Variants in LPP observed in about 807,000 individuals in gnomAD.
LPP encodes the protein lipoma-preferred partner.
Under a neutral mutation model 60.4 loss-of-function variants are expected in LPP, and 38 were observed. That is an observed-to-expected ratio of 0.63 (90% CI 0.49 to 0.83). The LOEUF (loss-of-function observed/expected upper bound fraction) is 0.83, where lower values mean the gene tolerates loss of function less well. Ranked by LOEUF, LPP falls within the 40% of genes least tolerant of loss-of-function variation. The pLI, the probability that LPP is intolerant of heterozygous loss-of-function variation, is 0.00. For synonymous variants in LPP, 328 were observed against 290.8 expected, an observed-to-expected ratio of 1.13 and a Z score of -1.30; for missense variants, 902 against 783.6, an observed-to-expected ratio of 1.15 and a Z score of -1.80.
intron 1 of LPP, among the ~76,000 whole-genome samples, chr3:188,199,878 CTAACTTT>C (rs1560104109): frequency 6.6e-6 from 1 of 151,974 alleles, no homozygotes; most frequent in Non-Finnish European, 1.5e-5. Context: ...CCATGCCCAG[CTAACTTT>C]TGTATTTTTA....
chr3:188,547,819 A>T (rs1179628164), intron 6 of LPP, among the ~76,000 whole-genome samples: 2 of 152,116 alleles, frequency 1.3e-5, no homozygotes, highest in South Asian at 2.1e-4. Flanking sequence ...AAGAAGTGTG[A>T]TGTATAAAAT....
intron 8 of LPP, chr3:188,725,394 G>A (rs564808924): frequency 6.6e-6 from 1 of 152,220 alleles, no homozygotes; most frequent in Non-Finnish European, 1.5e-5. Flanking sequence ...GACTCAAGGT[G>A]GACTTAATTT....
intron 9 of LPP, among the ~76,000 whole-genome samples, chr3:188,804,243 T>TTTTATA (rs1322626096): frequency 1.9e-4 from 7 of 37,712 alleles, no homozygotes; most frequent in African/African-American, 7.9e-4. Flanking sequence ...TAGTGCATCT[T>TTTTATA]TATATATATA....
chr3:188,531,484 G>T (rs1283376104), intron 6 of LPP, among the ~76,000 whole-genome samples: 1 of 152,152 alleles, frequency 6.6e-6, no homozygotes, highest in Admixed American at 6.5e-5. Context: ...ACCAAGCAAT[G>T]ATTTGAAGCT....
intron 5 of LPP, among the ~76,000 whole-genome samples, chr3:188,520,740 T>C (rs1818648427): frequency 6.6e-6 from 1 of 152,164 alleles, no homozygotes; most frequent in Non-Finnish European, 1.5e-5. Flanking sequence ...ATCTCTCTAG[T>C]GATGGTTAAA....
intron 4 of LPP, among the ~76,000 whole-genome samples, chr3:188,428,002 G>A (rs998824719): frequency 5.9e-5 from 9 of 152,068 alleles, no homozygotes; most frequent in Admixed American, 4.6e-4. Context: ...CTGCCCAAAC[G>A]GTCACCCGGT....
intron 1 of LPP, among the ~76,000 whole-genome samples, chr3:188,185,971 G>A (rs911971619): frequency 2.6e-5 from 4 of 152,168 alleles, no homozygotes; most frequent in Non-Finnish European, 5.9e-5. Context: ...CATTTCCCTG[G>A]CTTTAGAAAC....
intron 9 of LPP, among the ~76,000 whole-genome samples, chr3:188,821,758 C>T (rs915073540): frequency 6.6e-6 from 1 of 151,830 alleles, no homozygotes; most frequent in African/African-American, 2.4e-5. Flanking sequence ...CCATATCTTC[C>T]CAGATATATT....
chr3:188,284,291 G>C (rs775244369), intron 2 of LPP, among the ~76,000 whole-genome samples: 18 of 152,070 alleles, frequency 1.2e-4, no homozygotes, highest in Non-Finnish European at 2.1e-4. Context: ...CTCAGAGAAA[G>C]ATGGAGTTAG....
At chr3:188,694,180 A>C (rs1862709793) in intron 7 of LPP, among the ~76,000 whole-genome samples, 1 of 152,170 alleles carries the variant, frequency 6.6e-6, no homozygotes, top group Admixed American at 6.5e-5. Context: ...CCCGGCAGAA[A>C]ATTTTTCAGT....
intron 8 of LPP, chr3:188,743,532 A>T (rs958283333): frequency 6.6e-6 from 1 of 152,166 alleles, no homozygotes; most frequent in African/African-American, 2.4e-5. Flanking sequence ...AGATAAAATT[A>T]AGAGGGTAAT....
intron 6 of LPP, among the ~76,000 whole-genome samples, chr3:188,531,597 A>T (rs571745297): frequency 3.3e-5 from 5 of 152,286 alleles, no homozygotes; most frequent in African/African-American, 7.2e-5. Flanking sequence ...TGAAGTCTGT[A>T]TAAAAATCCC....
chr3:188,209,759 C>T (rs1734214942), intron 1 of LPP, among the ~76,000 whole-genome samples: 1 of 152,172 alleles, frequency 6.6e-6, no homozygotes, highest in Non-Finnish European at 1.5e-5. Flanking sequence ...GCAGGTCTAT[C>T]TTCTGTTGTT....
intron 9 of LPP, among the ~76,000 whole-genome samples, chr3:188,850,590 T>C (rs932655272): frequency 6.6e-6 from 1 of 152,150 alleles, no homozygotes; most frequent in Non-Finnish European, 1.5e-5. Flanking sequence ...GTACATCATA[T>C]AAATGTCATT....
At chr3:188,276,160 CTT>C (rs1235048082) in intron 2 of LPP, among the ~76,000 whole-genome samples, 5 of 152,228 alleles carry the variant, frequency 3.3e-5, no homozygotes, top group Non-Finnish European at 7.3e-5. Context: ...TATTCTTTCT[CTT>C]GTCTCCCATT....
At chr3:188,607,350 CTG>C (rs1329576644) in intron 6 of LPP, among the ~76,000 whole-genome samples, 5 of 121,700 alleles carry the variant, frequency 4.1e-5, no homozygotes, top group African/African-American at 6.0e-5. Flanking sequence ...CATATTATAA[CTG>C]TATGTTTGAA....
chr3:188,382,024 G>A (rs1052563591), intron 3 of LPP, among the ~76,000 whole-genome samples: 1 of 151,796 alleles, frequency 6.6e-6, no homozygotes. Flanking sequence ...CTGAGCTCAA[G>A]TGATCCTCCT....
At chr3:188,718,986 T>G (rs1451121812) in intron 8 of LPP, among the ~76,000 whole-genome samples, 3 of 152,144 alleles carry the variant, frequency 2.0e-5, no homozygotes, top group African/African-American at 7.2e-5. Flanking sequence ...TCTCATTCCT[T>G]TTTTTAATTC....
chr3:188,579,786 C>G (rs1219469868), intron 6 of LPP, among the ~76,000 whole-genome samples: 1 of 149,642 alleles, frequency 6.7e-6, no homozygotes, highest in Admixed American at 6.7e-5. Flanking sequence ...ATAGTCAGAT[C>G]CTGTCTCTAC....
Sources: allele counts gnomAD v4.1 joint callset (sites outside exome capture counted in the v4.1 genomes callset), GRCh38; gene constraint gnomAD v4.1.1; transcripts MANE v1.5; gene names NCBI Gene and HGNC (gene_info 2026-07-23, HGNC 2026-07-21).